Variants in RO60 observed in about 807,000 individuals in gnomAD.
RO60 encodes Ro60, Y RNA binding protein.
In RO60, 20 loss-of-function variants were observed where a neutral mutation model predicts 55.3. The observed-to-expected ratio is 0.36, with a 90% CI of 0.25 to 0.53. The LOEUF is 0.53. Ranked by LOEUF, RO60 falls within the 20% of genes least tolerant of loss-of-function variation. RO60 has a pLI of 0.92. For missense variants in RO60, 558 were observed against 646.6 expected (o/e 0.86, Z 1.49); for synonymous variants, 213 against 213.6 (o/e 1.00, Z 0.02).
Position 193,063,563 on chromosome 1 carries a change from A to G in RO60, c.-22+3787A>G, listed in dbSNP as rs1417018471. Among the ~76,000 whole-genome samples, 8 of 152,306 alleles carry G rather than the reference A, an allele frequency of 5.3e-5. No individual in the cohort carries two copies. The South Asian group carries it at 8.3e-4, about 16-fold the overall frequency. On this transcript the variant is annotated intron_variant, in intron 1 of 8. Coordinates refer to ENST00000400968, the MANE Select transcript of RO60 (RefSeq NM_001173524.2). ...GGAAATACAAGTTTTAAATTTTGAT[A>G]AAGTCCAGTTTATTTTTTTATTTTG...
intron 2 of RO60, among the ~76,000 whole-genome samples, chr1:193,071,693 A>G (rs1452189195): frequency 6.6e-6 from 1 of 150,628 alleles, no homozygotes; most frequent in African/African-American, 2.4e-5. Context: ...TTGAATTTAC[A>G]TTTTTGGGCA....
intron 2 of RO60, among the ~76,000 whole-genome samples, chr1:193,074,017 T>C (rs550186330): frequency 6.6e-6 from 1 of 152,104 alleles, no homozygotes; most frequent in Admixed American, 6.5e-5. Flanking sequence ...GATAGTTTGC[T>C]GAGAATGATG....
At position 193,069,202 on chromosome 1, in the gene RO60, G is replaced by A; in HGVS notation, c.148G>A (p.Glu50Lys). 6.2e-7 allele frequency: 1 copy of A among 1,614,196 alleles called. No homozygotes were observed. The highest frequency in any genetic ancestry group is 8.5e-7 in the Non-Finnish European group (1 of 1,180,014). The change falls in exon 2 of 9, where the codon GAA becomes AAA. Residue 50 changes from glutamate (E) to lysine (K), a missense_variant. By Grantham distance (56) the Glu-to-Lys change is moderately conservative (BLOSUM62 1). Transcript: ENST00000400968. ...GSEGGTYYIK[E>K]QKLGLENAEA... ...TGAAGGTGGGACTTATTATATCAAA[G>A]AACAGAAGTTGGGCCTTGAAAATGC... is the stretch of plus-strand genomic sequence containing the variant.
chr1:193,076,669 T>C, intron 4 of RO60, 22 bp downstream of exon 4: 4 of 1,573,190 alleles, frequency 2.5e-6, no homozygotes, highest in Non-Finnish European at 3.4e-6. Context: ...CATTGTTCTT[T>C]ATTAGCTACT....
At chr1:193,091,670 A>C (rs753702015), downstream of RO60, 11 of 1,611,792 alleles carry the variant, frequency 6.8e-6, no homozygotes, top group Non-Finnish European at 9.3e-6. Context: ...ATACCCTACT[A>C]AATAAATCAT....
At chr1:193,066,488 G>A (rs535589044) in intron 1 of RO60, among the ~76,000 whole-genome samples, 4 of 152,242 alleles carry the variant, frequency 2.6e-5, no homozygotes, top group African/African-American at 7.2e-5. Flanking sequence ...AAACCCAGTG[G>A]TCATTTTCTA....
At position 193,085,207 on chromosome 1, in the gene RO60, C is replaced by A; in HGVS notation, c.*476C>A. On this transcript the variant is annotated 3_prime_UTR_variant, in exon 9 of 9. Transcript: ENST00000400968. Reference sequence around the variant, plus strand: ...TGAAACTCATCTGTAAACTTTTATACCAAGGGGGTAAAAAAAAAAACTAAG... The same window carrying A: ...TGAAACTCATCTGTAAACTTTTATAACAAGGGGGTAAAAAAAAAAACTAAG... 1 of 1,196,638 alleles carries A rather than the reference C, an allele frequency of 8.4e-7. No homozygotes were observed. The highest frequency in any genetic ancestry group is 1.0e-6 in the Non-Finnish European group (1 of 963,626). The allele number at this position is 1,196,638 out of a possible 1,614,324, so 74.1% of individuals were successfully genotyped here.
chr1:193,084,539 C>A, intron 8 of RO60, 40 bp from the exon 9 acceptor site: 3 of 1,572,760 alleles, frequency 1.9e-6, no homozygotes, highest in Non-Finnish European at 2.6e-6. Context: ...CATTTCCTTA[C>A]ATTTATGTTT....
chr1:193,083,168 T>C (rs1412530683), intron 8 of RO60, among the ~76,000 whole-genome samples: 1 of 152,242 alleles, frequency 6.6e-6, no homozygotes. Context: ...GAAAAAGTAT[T>C]GATTACACAC....
intron 5 of RO60, among the ~76,000 whole-genome samples, chr1:193,078,825 G>A (rs1487860640): frequency 6.6e-6 from 1 of 150,876 alleles, no homozygotes; most frequent in Non-Finnish European, 1.5e-5. Flanking sequence ...ATTGAATGCA[G>A]TCCCTTTCAA....
At position 193,085,787 on chromosome 1, in the gene RO60, CAAAT is replaced by C; in HGVS notation, c.*1059_*1062del. ...AAATATTCTTCTTTGATAGTGTAAA[CAAAT>C]AATAAAGCAATCTAGGTCCTTTAGG... On this transcript the variant is annotated 3_prime_UTR_variant, in exon 9 of 9. Coordinates refer to ENST00000400968, the MANE Select transcript of RO60 (RefSeq NM_001173524.2). 7.1e-6 allele frequency: 7 copies of C among 984,870 alleles called. No homozygotes were observed. Among genetic ancestry groups the C allele is most frequent in the Middle Eastern group, 5.2e-4 (1 of 1,914 alleles). The allele number at this position is 984,870 out of a possible 1,614,324, so 61.0% of individuals were successfully genotyped here.
chr1:193,066,318 C>G (rs1673103390), intron 1 of RO60, among the ~76,000 whole-genome samples: 1 of 152,156 alleles, frequency 6.6e-6, no homozygotes, highest in Non-Finnish European at 1.5e-5. Context: ...AAGTCCCATC[C>G]TCTTTTACTT....
Position 193,085,215 on chromosome 1 carries a change from G to GT in RO60, c.*485dup, listed in dbSNP as rs1674570813. ...ATCTGTAAACTTTTATACCAAGGGG[G>GT]TAAAAAAAAAAACTAAGGCATTTGA... On this transcript the variant is annotated 3_prime_UTR_variant, in exon 9 of 9. Transcript: ENST00000400968. The GT allele has an allele frequency of 5.1e-5, 59 of 1,165,432 alleles. No individual in the cohort carries two copies. The highest frequency in any genetic ancestry group is 6.1e-5 in the Non-Finnish European group (57 of 941,976). The allele number at this position is 1,165,432 out of a possible 1,614,324, so 72.2% of individuals were successfully genotyped here. A position where few individuals can be genotyped will look rare whatever the true frequency, so the allele number is the denominator to read the frequency against.
intron 2 of RO60, among the ~76,000 whole-genome samples, chr1:193,073,749 T>A (rs1219190205): frequency 3.3e-5 from 5 of 152,176 alleles, no homozygotes; most frequent in African/African-American, 1.2e-4. Flanking sequence ...AATTTTTTTT[T>A]ATTATACTTT....
At chr1:193,079,676 A>G (rs1411959780) in intron 5 of RO60, among the ~76,000 whole-genome samples, 3 of 152,226 alleles carry the variant, frequency 2.0e-5, no homozygotes, top group Non-Finnish European at 4.4e-5. Flanking sequence ...AAGATAATCT[A>G]CACAATGGGA....
At chr1:193,074,448 A>G (rs1218784911) in intron 2 of RO60, among the ~76,000 whole-genome samples, 1 of 152,214 alleles carries the variant, frequency 6.6e-6, no homozygotes, top group South Asian at 2.1e-4. Flanking sequence ...GTGAGATGGT[A>G]TCTCATTGTG....
At chr1:193,080,804 C>T (rs1674254009) in intron 5 of RO60, among the ~76,000 whole-genome samples, 1 of 152,106 alleles carries the variant, frequency 6.6e-6, no homozygotes, top group Non-Finnish European at 1.5e-5. Context: ...GAGATATCTA[C>T]AGCAGGAAAA....
chr1:193,077,142 C>G (rs1673979500), intron 5 of RO60, 92 bp downstream of exon 5: 1 of 1,258,590 alleles, frequency 7.9e-7, no homozygotes, highest in Admixed American at 2.8e-5. Context: ...ATAGTTTAAT[C>G]ATTTTTTAAT....
Position 193,069,278 on chromosome 1 carries a change from A to T in RO60, c.224A>T (p.Gln75Leu). Reference protein sequence around the residue: ...IEDGRGCEVIQEIKSFSQEGR... With the variant: ...IEDGRGCEVILEIKSFSQEGR... Reference sequence around the variant, plus strand: ...GATGGCAGAGGATGTGAAGTGATACAAGAAATAAAGTCATTTAGTCAAGAA... The same window carrying T: ...GATGGCAGAGGATGTGAAGTGATACTAGAAATAAAGTCATTTAGTCAAGAA... Residue 75 changes from glutamine to leucine, a missense_variant, in exon 2 of 9, where the codon CAA (glutamine) becomes CTA (leucine). Gln to Leu is a moderately radical substitution (Grantham distance 113). Transcript: ENST00000400968. 1 of 1,614,254 alleles carries T rather than the reference A, an allele frequency of 6.2e-7. No homozygotes were observed. Among genetic ancestry groups the T allele is most frequent in the Non-Finnish European group, 8.5e-7 (1 of 1,180,052 alleles).
Sources: allele counts gnomAD v4.1 joint callset (sites outside exome capture counted in the v4.1 genomes callset), GRCh38; gene constraint gnomAD v4.1.1; transcripts MANE v1.5; gene names NCBI Gene and HGNC (gene_info 2026-07-23, HGNC 2026-07-21).